NPNT: variants seen among roughly 807,000 people sequenced by gnomAD.
NPNT encodes the protein preosteoblast EGF-like repeat protein with MAM domain.
Under a neutral mutation model 68.6 loss-of-function variants are expected in NPNT, and 45 were observed. That is an observed-to-expected ratio of 0.66 (90% CI 0.52 to 0.84). The LOEUF is 0.84. NPNT is among the 40% of genes least tolerant of loss of function. The pLI is 0.00. For synonymous variants in NPNT, 233 were observed against 253.3 expected (o/e 0.92, Z 0.76); for missense variants, 672 against 714.8 (o/e 0.94, Z 0.68).
At chr4:105,924,711 A>G (rs937691805) in intron 2 of NPNT, among the ~76,000 whole-genome samples, 3 of 152,196 alleles carry the variant, frequency 2.0e-5, no homozygotes, top group Admixed American at 6.5e-5. Context: ...TGAAAGTACT[A>G]TAAATTGATG....
At chr4:105,933,770 C>A (rs1344241762) in intron 3 of NPNT, among the ~76,000 whole-genome samples, 1 of 152,068 alleles carries the variant, frequency 6.6e-6, no homozygotes, top group Non-Finnish European at 1.5e-5. Context: ...TAATGCTGTG[C>A]AGCTTGCATT....
At chr4:105,933,905 A>G (rs1373153807) in intron 3 of NPNT, among the ~76,000 whole-genome samples, 1 of 152,172 alleles carries the variant, frequency 6.6e-6, no homozygotes, top group Non-Finnish European at 1.5e-5. Flanking sequence ...ATAATAACTG[A>G]AGCATTTGAA....
intron 2 of NPNT, among the ~76,000 whole-genome samples, chr4:105,907,867 A>G (rs999688646): frequency 9.9e-5 from 15 of 152,164 alleles, no homozygotes; most frequent in Non-Finnish European, 2.9e-5. Context: ...AATTATGGCC[A>G]TAATAGAATT....
chr4:105,897,180 G>T (rs1279209296), intron 1 of NPNT, among the ~76,000 whole-genome samples: 1 of 152,168 alleles, frequency 6.6e-6, no homozygotes, highest in Non-Finnish European at 1.5e-5. Context: ...GTAATCAGGT[G>T]GATAAATCTG....
intron 2 of NPNT, among the ~76,000 whole-genome samples, chr4:105,906,062 C>T (rs2149322963): frequency 6.6e-6 from 1 of 152,128 alleles, no homozygotes; most frequent in African/African-American, 2.4e-5. Flanking sequence ...GAAATAGGGG[C>T]TACATGGAGG....
chr4:105,930,522 C>A (rs1375263293), intron 3 of NPNT, among the ~76,000 whole-genome samples: 1 of 152,192 alleles, frequency 6.6e-6, no homozygotes, highest in East Asian at 1.9e-4. Context: ...TTAACTTAAA[C>A]TGTTTTCATT....
At chr4:105,931,921 A>G (rs1330046603) in intron 3 of NPNT, among the ~76,000 whole-genome samples, 1 of 152,204 alleles carries the variant, frequency 6.6e-6, no homozygotes, top group Non-Finnish European at 1.5e-5. Context: ...TTAATAACAT[A>G]ATGGTGTTGA....
chr4:105,908,856 C>G (rs993822544), intron 2 of NPNT, among the ~76,000 whole-genome samples: 1 of 152,262 alleles, frequency 6.6e-6, no homozygotes, highest in South Asian at 2.1e-4. Flanking sequence ...AGCCACCGTG[C>G]CTGGACTAAC....
intron 7 of NPNT, 36 bp from the exon 8 acceptor site, chr4:105,942,271 T>C: frequency 6.6e-7 from 1 of 1,509,228 alleles, no homozygotes; most frequent in African/African-American, 1.4e-5. Context: ...TAGGGAGGAA[T>C]GGTTACATAC....
chr4:105,906,370 G>C (rs908765831), intron 2 of NPNT, among the ~76,000 whole-genome samples: 2 of 152,216 alleles, frequency 1.3e-5, no homozygotes, highest in Non-Finnish European at 2.9e-5. Context: ...CATGAAGCCA[G>C]TGGTGGTTTT....
intron 3 of NPNT, chr4:105,932,493 G>A: frequency 1.7e-6 from 1 of 594,118 alleles, no homozygotes; most frequent in South Asian, 2.2e-5. Flanking sequence ...AGTATCTAAT[G>A]CATTCTTTTT....
intron 2 of NPNT, among the ~76,000 whole-genome samples, chr4:105,900,831 G>C (rs919985508): frequency 6.3e-5 from 8 of 127,772 alleles, no homozygotes; most frequent in Non-Finnish European, 1.3e-4. Context: ...CATACCCTTG[G>C]TTGTTTTTTT....
At chr4:105,945,229 AAG>A (rs1221389204) in intron 8 of NPNT, among the ~76,000 whole-genome samples, 2 of 152,332 alleles carry the variant, frequency 1.3e-5, no homozygotes, top group East Asian at 3.9e-4. Context: ...GAGGTTGTGA[AAG>A]AGAGCTTTTC....
chr4:105,943,399 G>A (rs1426954789), intron 8 of NPNT, among the ~76,000 whole-genome samples: 1 of 152,160 alleles, frequency 6.6e-6, no homozygotes, highest in Non-Finnish European at 1.5e-5. Context: ...CCAGTAAATT[G>A]GAGGGTCATG....
rs144820009 is a variant in NPNT at position 105,931,940 on chromosome 4, G to A, written c.265+4512G>A. Among the ~76,000 whole-genome samples, 10 of 152,286 alleles carry A rather than the reference G, an allele frequency of 6.6e-5. No homozygotes were observed. In the East Asian group the frequency reaches 1.4e-3, roughly 21 times the overall value. On this transcript the variant is annotated intron_variant, in intron 3 of 11. Transcript: ENST00000379987. Reference sequence around the variant, plus strand: ...TAACATAATGGTGTTGAAACAGAACGTGATTGTTAAGTCTCAACTCTCTTC... The same window carrying A: ...TAACATAATGGTGTTGAAACAGAACATGATTGTTAAGTCTCAACTCTCTTC...
In NPNT at chr4:105,971,184, T is replaced by G; in HGVS notation, c.*2194T>G. The G allele has an allele frequency of 2.2e-6, 1 of 455,920 alleles. No homozygotes were observed. Among genetic ancestry groups the G allele is most frequent in the Non-Finnish European group, 4.4e-6 (1 of 226,348 alleles). The allele number at this position is 455,920 out of a possible 1,614,324, so 28.2% of individuals were successfully genotyped here. The stretch of plus-strand genomic sequence containing the variant: ...TTCTCTCTGCTTCGTGTGTGACAAG[T>G]TATCTTGGCTGCTGAGAAAGAGTGC... On this transcript the variant is annotated 3_prime_UTR_variant, in exon 12 of 12. Coordinates refer to ENST00000379987, the MANE Select transcript of NPNT (RefSeq NM_001033047.3).
intron 1 of NPNT, chr4:105,896,134 C>G: frequency 5.3e-6 from 1 of 187,412 alleles, no homozygotes. Flanking sequence ...TTCCAGGCCC[C>G]CGGGGGGAGG....
At chr4:105,908,883 A>G (rs911054540) in intron 2 of NPNT, among the ~76,000 whole-genome samples, 1 of 152,138 alleles carries the variant, frequency 6.6e-6, no homozygotes, top group Admixed American at 6.6e-5. Flanking sequence ...TTCGTAAATC[A>G]AAGTTCCTAA....
At chr4:105,940,693 A>C in intron 7 of NPNT, 57 bp downstream of exon 7, 1 of 1,476,898 alleles carries the variant, frequency 6.8e-7, no homozygotes, top group Non-Finnish European at 9.4e-7. Flanking sequence ...GGATTACACA[A>C]AGGCCATTGC....
Sources: allele counts gnomAD v4.1 joint callset (sites outside exome capture counted in the v4.1 genomes callset), GRCh38; gene constraint gnomAD v4.1.1; transcripts MANE v1.5; gene names NCBI Gene and HGNC (gene_info 2026-07-23, HGNC 2026-07-21).